FBP1: variants seen among roughly 807,000 people sequenced by gnomAD.
The protein encoded by FBP1 is fructose-bisphosphatase 1.
In FBP1, 22 loss-of-function variants were observed where a neutral mutation model predicts 29.9. The observed-to-expected ratio is 0.74, with a 90% CI of 0.53 to 1.05. The LOEUF is 1.05. Ranked by LOEUF, FBP1 falls within the 50% of genes least tolerant of loss-of-function variation. The pLI is 0.00. For synonymous variants in FBP1, 175 were observed against 178.6 expected, an observed-to-expected ratio of 0.98 and a Z score of 0.16; for missense variants, 345 against 448.2, an observed-to-expected ratio of 0.77 and a Z score of 2.08.
intron 1 of FBP1, among the ~76,000 whole-genome samples, chr9:94,635,657 G>A (rs548795258): frequency 1.5e-4 from 23 of 152,298 alleles, no homozygotes; most frequent in African/African-American, 5.5e-4. Flanking sequence ...TACTGAAAAT[G>A]GCCAAACGCT....
intron 3 of FBP1, among the ~76,000 whole-genome samples, chr9:94,615,643 T>C (rs1212173364): frequency 6.6e-6 from 1 of 152,216 alleles, no homozygotes; most frequent in Non-Finnish European, 1.5e-5. Flanking sequence ...AATTTGAATC[T>C]TCTATTCCTC....
intron 1 of FBP1, 42 bp from the exon 2 acceptor site, chr9:94,620,533 A>G: frequency 1.2e-6 from 2 of 1,600,198 alleles, no homozygotes; most frequent in Non-Finnish European, 8.5e-7. Context: ...CATGACCACC[A>G]GAACATGTAG....
intron 4 of FBP1, among the ~76,000 whole-genome samples, chr9:94,608,608 C>A (rs1411809780): frequency 6.6e-6 from 1 of 152,116 alleles, no homozygotes; most frequent in African/African-American, 2.4e-5. Flanking sequence ...CTAACTCCCC[C>A]ACCCCACCCC....
At chr9:94,608,170 C>T (rs917523213) in intron 4 of FBP1, among the ~76,000 whole-genome samples, 4 of 152,158 alleles carry the variant, frequency 2.6e-5, no homozygotes, top group African/African-American at 4.8e-5. Flanking sequence ...AAGTTGAAGC[C>T]GCTGGAAACC....
chr9:94,609,203 AAAAG>A (rs1827745617), intron 4 of FBP1, among the ~76,000 whole-genome samples: 4 of 139,058 alleles, frequency 2.9e-5, no homozygotes, highest in Non-Finnish European at 4.4e-5. Context: ...AAAAAAAAAA[AAAAG>A]AAAGAAAGAC....
chr9:94,604,437 CAT>C, intron 6 of FBP1, among the ~76,000 whole-genome samples: 1 of 150,338 alleles, frequency 6.7e-6, no homozygotes, highest in Non-Finnish European at 1.5e-5. Context: ...CATCCAAACA[CAT>C]AGGTTTTGTG....
intron 4 of FBP1, among the ~76,000 whole-genome samples, chr9:94,609,173 G>T (rs1339459774): frequency 6.7e-6 from 1 of 150,054 alleles, no homozygotes; most frequent in African/African-American, 2.5e-5. Flanking sequence ...TGGGAGACAG[G>T]GCAAGACTAC....
chr9:94,623,051 C>T (rs1827970954), intron 1 of FBP1, among the ~76,000 whole-genome samples: 1 of 152,056 alleles, frequency 6.6e-6, no homozygotes, highest in African/African-American at 2.4e-5. Flanking sequence ...GTTGCGTGAT[C>T]TCGGCTCACT....
rs996612528 is a variant in FBP1 at position 94,617,644 on chromosome 9, A to G, written c.426+124T>C. 1.1e-5 allele frequency: 8 copies of G among 722,538 alleles called. No individual in the cohort carries two copies. The African/African-American group carries it at 1.2e-4, about 11-fold the overall frequency. The allele number at this position is 722,538 out of a possible 1,614,324, so 44.8% of individuals were successfully genotyped here. A position where few individuals can be genotyped will look rare whatever the true frequency, so the allele number is the denominator to read the frequency against. ...CTGAAAAGCTCAGAACTTGAGATAC[A>G]AATCTACTTCAGTCTCACAGTTTCA... On this transcript the variant is annotated intron_variant, in intron 3 of 6. Transcript: ENST00000375326.
intron 3 of FBP1, among the ~76,000 whole-genome samples, chr9:94,611,471 C>G (rs555803426): frequency 5.3e-4 from 81 of 152,272 alleles, no homozygotes; most frequent in African/African-American, 1.9e-3. Flanking sequence ...TGCACATTCA[C>G]AGCCGGGGTC....
intron 6 of FBP1, among the ~76,000 whole-genome samples, chr9:94,604,853 G>A (rs147329761): frequency 5.3e-5 from 8 of 152,252 alleles, no homozygotes; most frequent in African/African-American, 1.9e-4. Context: ...CTGTCACCCT[G>A]GCAGAAGGAA....
At chr9:94,622,971 ATTATTT>A (rs71366251) in intron 1 of FBP1, among the ~76,000 whole-genome samples, 61 of 147,790 alleles carry the variant, frequency 4.1e-4, no homozygotes, top group African/African-American at 7.0e-4. Context: ...TCACTTTATG[ATTATTT>A]TTATTTTTAT....
intron 1 of FBP1, among the ~76,000 whole-genome samples, chr9:94,622,990 T>G (rs769174769): frequency 6.6e-6 from 1 of 151,924 alleles, no homozygotes; most frequent in Non-Finnish European, 1.5e-5. Flanking sequence ...ATTTTTATTT[T>G]TATTTTTATT....
Position 94,637,908 on chromosome 9 carries a change from C to A in FBP1, c.170+1233G>T, listed in dbSNP as rs937707592. ...GACCAGCCTGACCAACATGGAGAAA[C>A]CCCGTTTCTACTAAAAAAAATTACA... On this transcript the variant is annotated intron_variant, in intron 1 of 6. Coordinates refer to ENST00000375326, the MANE Select transcript of FBP1 (RefSeq NM_000507.4). 4.6e-5 allele frequency among the ~76,000 whole-genome samples: 7 copies of A among 151,750 alleles called. No homozygotes were observed. In the East Asian group the frequency reaches 1.2e-3, roughly 26 times the overall value.
chr9:94,606,009 G>A (rs1827694142), intron 5 of FBP1, among the ~76,000 whole-genome samples: 1 of 152,154 alleles, frequency 6.6e-6, no homozygotes, highest in Non-Finnish European at 1.5e-5. Context: ...GGTCCTGGAG[G>A]AGGAGCCTGT....
chr9:94,637,203 T>A (rs1173739309), intron 1 of FBP1, among the ~76,000 whole-genome samples: 1 of 152,162 alleles, frequency 6.6e-6, no homozygotes, highest in African/African-American at 2.4e-5. Context: ...AAAATAAATG[T>A]GATCATACCA....
At chr9:94,622,403 C>G (rs529174562) in intron 1 of FBP1, among the ~76,000 whole-genome samples, 81 of 152,362 alleles carry the variant, frequency 5.3e-4, no homozygotes, top group Non-Finnish European at 9.7e-4. Flanking sequence ...TGGCGATGTG[C>G]GCTCGCCTGG....
Position 94,606,987 on chromosome 9 carries a change from C to T in FBP1, c.568-35G>A, listed in dbSNP as rs146952869. On this transcript the variant is annotated intron_variant, in intron 4 of 6. Coordinates refer to ENST00000375326, the MANE Select transcript of FBP1 (RefSeq NM_000507.4). ...CAAGGAAGGAAAGGTGGAGAGATGACGAGCGCACTGGGTCCCCCAGGCCTG... is the reference window on the plus strand; with the variant it reads ...CAAGGAAGGAAAGGTGGAGAGATGATGAGCGCACTGGGTCCCCCAGGCCTG... 1.4e-5 allele frequency: 23 copies of T among 1,613,626 alleles called. No individual in the cohort carries two copies. The East Asian group carries it at 4.0e-4, about 28-fold the overall frequency.
intron 3 of FBP1, among the ~76,000 whole-genome samples, chr9:94,612,284 A>C (rs1827796367): frequency 6.6e-6 from 1 of 152,166 alleles, no homozygotes; most frequent in African/African-American, 2.4e-5. Context: ...TGCAGGCTTC[A>C]AGTAACCAGT....
Sources: allele counts gnomAD v4.1 joint callset (sites outside exome capture counted in the v4.1 genomes callset), GRCh38; gene constraint gnomAD v4.1.1; transcripts MANE v1.5; gene names NCBI Gene and HGNC (gene_info 2026-07-23, HGNC 2026-07-21).